Variants in FRMPD1 observed in about 807,000 individuals in gnomAD.
FRMPD1 encodes the protein FERM and PDZ domain-containing protein 1.
Under a neutral mutation model 117.8 loss-of-function variants are expected in FRMPD1, and 76 were observed. The ratio of observed to expected loss-of-function variants is 0.65; its 90% CI spans 0.54 to 0.78. The LOEUF (loss-of-function observed/expected upper bound fraction) is 0.78, where lower values mean the gene tolerates loss of function less well. Among genes scored for constraint, FRMPD1 ranks in the 30% least tolerant of loss-of-function variants. FRMPD1 has a pLI of 0.00. For synonymous variants in FRMPD1, 783 were observed against 770.4 expected (o/e 1.02, Z -0.27); for missense variants, 1,786 against 1,964.5 (o/e 0.91, Z 1.72).
chr9:37,746,530 C>A lies in FRMPD1; in HGVS notation c.4498C>A (p.Leu1500Met). 1 of 1,613,716 alleles carries A rather than the reference C, an allele frequency of 6.2e-7. No homozygotes were observed. The highest frequency in any genetic ancestry group is 8.5e-7 in the Non-Finnish European group (1 of 1,179,990). ...VRDTFQHLVQ[L>M]AGLCFQFTDC... ...TGACACCTTCCAGCACCTGGTCCAGCTGGCCGGCCTGTGCTTTCAGTTCAC... is the reference window on the plus strand; with the variant it reads ...TGACACCTTCCAGCACCTGGTCCAGATGGCCGGCCTGTGCTTTCAGTTCAC... The change falls in exon 16 of 16, where the codon CTG becomes ATG. Residue 1500 changes from leucine to methionine, a missense_variant. Leu to Met is a conservative substitution (Grantham distance 15). Coordinates refer to ENST00000377765, the MANE Select transcript of FRMPD1 (RefSeq NM_014907.3).
chr9:37,701,645 C>T (rs549484960), intron 2 of FRMPD1, among the ~76,000 whole-genome samples: 1 of 151,944 alleles, frequency 6.6e-6, no homozygotes, highest in South Asian at 2.1e-4. Flanking sequence ...ACAAAAATAT[C>T]AAAGAGAATG....
chr9:37,637,961 A>ATGCTTGCTTGCT, the FRMPD1 span, among the ~76,000 whole-genome samples: 164 of 76,156 alleles, frequency 2.2e-3, 22 homozygotes, highest in Non-Finnish European at 3.3e-3. Flanking sequence ...AAAATGGTGT[A>ATGCTTGCTTGCT]TGCTTTCTTT....
chr9:37,700,158 G>A (rs1158536652), intron 2 of FRMPD1, among the ~76,000 whole-genome samples: 1 of 152,066 alleles, frequency 6.6e-6, no homozygotes, highest in Non-Finnish European at 1.5e-5. Flanking sequence ...AGAGAGATTT[G>A]AGGGTAGTCT....
At chr9:37,625,322 T>C in the FRMPD1 span, among the ~76,000 whole-genome samples, 1 of 152,206 alleles carries the variant, frequency 6.6e-6, no homozygotes, top group Admixed American at 6.5e-5. Context: ...AAATGAGATA[T>C]TAGGGTTGTT....
intron 8 of FRMPD1, 89 bp from the exon 9 acceptor site, chr9:37,730,895 C>A: frequency 7.6e-7 from 1 of 1,320,296 alleles, no homozygotes; most frequent in Non-Finnish European, 1.1e-6. Context: ...CTGTCTTTCA[C>A]TGTCTGTGTT....
the FRMPD1 span, chr9:37,636,555 A>T: frequency 9.3e-6 from 6 of 645,662 alleles, no homozygotes; most frequent in African/African-American, 9.1e-5. Flanking sequence ...GGCCAGAGGG[A>T]GATGGGGAGC....
rs1245409324 is a variant in FRMPD1 at position 37,741,015 on chromosome 9, G to A, written c.2356+131G>A. 5 of 705,858 alleles carry A rather than the reference G, an allele frequency of 7.1e-6. No homozygotes were observed. The East Asian group carries it at 1.1e-4, about 15-fold the overall frequency. 43.7% of individuals were successfully genotyped at this position (705,858 alleles called of 1,614,324 possible). A position where few individuals can be genotyped will look rare whatever the true frequency, so the allele number is the denominator to read the frequency against. ...AGGGTCCCTGTACACTTCTGAGGAGGTAGATACAGATTCCATGGACCAAAT... is the reference window on the plus strand; with the variant it reads ...AGGGTCCCTGTACACTTCTGAGGAGATAGATACAGATTCCATGGACCAAAT... On this transcript the variant is annotated intron_variant, in intron 15 of 15. Coordinates refer to ENST00000377765, the MANE Select transcript of FRMPD1 (RefSeq NM_014907.3).
chr9:37,678,632 A>G (rs1821615833), intron 1 of FRMPD1, among the ~76,000 whole-genome samples: 1 of 152,190 alleles, frequency 6.6e-6, no homozygotes, highest in South Asian at 2.1e-4. Flanking sequence ...AACCTGTATT[A>G]GAATGTAAGC....
chr9:37,697,696 A>G lies in FRMPD1; in HGVS notation c.101+4954A>G, dbSNP rs547008725. Among the ~76,000 whole-genome samples the G allele has an allele frequency of 2.2e-4, 33 of 152,282 alleles. 1 individual carries two copies. The highest frequency in any genetic ancestry group is 4.6e-4 in the Non-Finnish European group (31 of 68,052). Reference sequence around the variant, plus strand: ...AAAAGCTGCAACACAGTGACATTACATCATAAACTAATTAATTTTTAACCT... The same window carrying G: ...AAAAGCTGCAACACAGTGACATTACGTCATAAACTAATTAATTTTTAACCT... On this transcript the variant is annotated intron_variant, in intron 2 of 15. Coordinates refer to ENST00000377765, the MANE Select transcript of FRMPD1 (RefSeq NM_014907.3).
chr9:37,740,097 C>CAGTGACTCAG lies in FRMPD1; in HGVS notation c.1572_1581dup (p.Glu528Ter). ...TTGCAGGCTATGAATCCAGGGCCTG[C>CAGTGACTCAG]AGTGACTCAGAGGAGTCCTCTGAGG... On this transcript the variant is annotated frameshift_variant, in exon 15 of 16. Transcript: ENST00000377765. LOFTEE classifies it high-confidence loss of function. This position sits in a 1 kb window ranked among gnomAD's most constrained non-coding sequence, Gnocchi z 4.2. 6.2e-7 allele frequency: 1 copy of CAGTGACTCAG among 1,604,958 alleles called. No homozygotes were observed.
chr9:37,650,632 C>T (rs1820638441), upstream of FRMPD1, among the ~76,000 whole-genome samples: 1 of 152,160 alleles, frequency 6.6e-6, no homozygotes, highest in Admixed American at 6.5e-5. Flanking sequence ...GCCCAACCAC[C>T]GCTGGTCCGG....
intron 1 of FRMPD1, among the ~76,000 whole-genome samples, chr9:37,684,969 G>A (rs1458442366): frequency 1.3e-5 from 2 of 152,026 alleles, no homozygotes; most frequent in East Asian, 3.9e-4. Context: ...TGCCCAGGCT[G>A]GTCTCAACTC....
At chr9:37,685,947 G>A (rs775517172) in intron 1 of FRMPD1, among the ~76,000 whole-genome samples, 8 of 152,184 alleles carry the variant, frequency 5.3e-5, no homozygotes, top group Non-Finnish European at 1.0e-4. Context: ...CTTTTGAAGG[G>A]TTTATAACCT....
At chr9:37,739,726 T>C (rs913356512) in intron 14 of FRMPD1, among the ~76,000 whole-genome samples, 2 of 152,172 alleles carry the variant, frequency 1.3e-5, no homozygotes, top group African/African-American at 2.4e-5. Flanking sequence ...AGGATAGAAC[T>C]GAGGTCTGGG....
At chr9:37,670,777 G>A (rs1313872767) in intron 1 of FRMPD1, among the ~76,000 whole-genome samples, 1 of 152,234 alleles carries the variant, frequency 6.6e-6, no homozygotes, top group Non-Finnish European at 1.5e-5. Flanking sequence ...GTATGTGAGA[G>A]GGAGACTTTC....
the FRMPD1 span, among the ~76,000 whole-genome samples, chr9:37,624,325 G>T: frequency 2.6e-5 from 4 of 152,342 alleles, no homozygotes; most frequent in South Asian, 6.2e-4. Context: ...CAATTACAGA[G>T]GTGGGCCTCT....
At chr9:37,637,226 C>T in the FRMPD1 span, 23 of 1,610,848 alleles carry the variant, frequency 1.4e-5, no homozygotes, top group Non-Finnish European at 1.9e-5. Context: ...CAGGAGCAGG[C>T]ATGACTTGCC....
intron 1 of FRMPD1, among the ~76,000 whole-genome samples, chr9:37,673,174 T>G (rs1306581841): frequency 6.6e-6 from 1 of 152,208 alleles, no homozygotes; most frequent in African/African-American, 2.4e-5. Context: ...AGTTACTTCC[T>G]AGATACAATG....
intron 1 of FRMPD1, among the ~76,000 whole-genome samples, chr9:37,663,859 T>C (rs1236377899): frequency 2.0e-5 from 3 of 152,214 alleles, no homozygotes; most frequent in African/African-American, 4.8e-5. Flanking sequence ...GTAAATGCTA[T>C]GTAAATAGTT....
Sources: gnomAD v4.1 joint callset for allele counts (sites outside exome capture counted in the v4.1 genomes callset) on GRCh38, gnomAD v4.1.1 for gene constraint, Gnocchi (gnomAD v3.1) non-coding constraint, MANE v1.5 for transcripts, NCBI Gene and HGNC (gene_info 2026-07-23, HGNC 2026-07-21) for gene names.